Variants in BNC2 observed in about 807,000 individuals in gnomAD.
BNC2 encodes the protein basonuclin zinc finger protein 2.
BNC2 carries 20 observed loss-of-function variants against 76.3 expected under a neutral mutation model. The observed-to-expected ratio is 0.26, with a 90% CI of 0.18 to 0.38. The LOEUF is 0.38. Among genes scored for constraint, BNC2 ranks in the 10% least tolerant of loss-of-function variants. The pLI is 1.00. For missense variants in BNC2, 1,382 were observed against 1,399.8 expected (o/e 0.99, Z 0.20); for synonymous variants, 582 against 514.8 (o/e 1.13, Z -1.77).
At chr9:16,439,350 G>A (rs1289114203) in intron 5 of BNC2, among the ~76,000 whole-genome samples, 1 of 152,174 alleles carries the variant, frequency 6.6e-6, no homozygotes, top group African/African-American at 2.4e-5. Flanking sequence ...TCTTCAAAGT[G>A]TAAAGTTCAG....
chr9:16,434,419 A>C (rs1820961993), intron 6 of BNC2, among the ~76,000 whole-genome samples: 1 of 152,168 alleles, frequency 6.6e-6, no homozygotes, highest in Non-Finnish European at 1.5e-5. Flanking sequence ...CTTTCTAGTT[A>C]ATTTTAATGT....
intron 1 of BNC2, among the ~76,000 whole-genome samples, chr9:16,757,496 T>A (rs1825419136): frequency 6.6e-6 from 1 of 152,114 alleles, no homozygotes; most frequent in South Asian, 2.1e-4. Flanking sequence ...ATGACAGAAA[T>A]CGAAATGTGA....
At chr9:16,824,656 C>T (rs1586913704) in intron 1 of BNC2, among the ~76,000 whole-genome samples, 1 of 152,126 alleles carries the variant, frequency 6.6e-6, no homozygotes, top group East Asian at 1.9e-4. Context: ...TAATGCCATG[C>T]CTGTCATGAC....
At chr9:16,747,004 A>G (rs1825029220) in intron 1 of BNC2, among the ~76,000 whole-genome samples, 1 of 151,970 alleles carries the variant, frequency 6.6e-6, no homozygotes, top group South Asian at 2.1e-4. Flanking sequence ...AAAGAATTAT[A>G]CTTTCCACCT....
intron 4 of BNC2, among the ~76,000 whole-genome samples, chr9:16,558,045 C>T (rs1384022164): frequency 6.6e-6 from 1 of 152,048 alleles, no homozygotes; most frequent in African/African-American, 2.4e-5. Context: ...ATGGGGTTTC[C>T]CCATGTTGTT....
chr9:16,685,530 A>G (rs1202454922), intron 3 of BNC2: 1 of 1,299,920 alleles, frequency 7.7e-7, no homozygotes, highest in South Asian at 1.2e-5. Flanking sequence ...CTGAGAAAAC[A>G]GTTAAGACTC....
At position 16,710,538 on chromosome 9, in the gene BNC2, G is replaced by A. The variant is rs559992609; in HGVS notation, c.330+17259C>T. Among the ~76,000 whole-genome samples, 94 of 152,236 alleles carry A rather than the reference G, an allele frequency of 6.2e-4. 1 individual carries two copies. The South Asian group carries it at 0.018, about 29-fold the overall frequency. ...CCTTTTCATAAAATCTTAGGAGACC[G>A]AACATATATTCTGGGCAGTGTGTTT... is the stretch of plus-strand genomic sequence containing the variant. On this transcript the variant is annotated intron_variant, in intron 3 of 6. Coordinates refer to ENST00000380672, the MANE Select transcript of BNC2 (RefSeq NM_017637.6).
At position 16,551,943 on chromosome 9, in the gene BNC2, C is replaced by T. The variant is rs573527636; in HGVS notation, c.669+587G>A. On this transcript the variant is annotated intron_variant, in intron 5 of 6. Transcript: ENST00000380672. ...GCTGGAAGAACAGGTTCTGCAAAGA[C>T]GAAATCTAAAATCATGTCTGTGTGT... Among the ~76,000 whole-genome samples, 9 of 152,184 alleles carry T rather than the reference C, an allele frequency of 5.9e-5. No individual in the cohort carries two copies. The East Asian group carries it at 1.7e-3, about 29-fold the overall frequency.
chr9:16,494,079 C>T (rs182748167), intron 5 of BNC2, among the ~76,000 whole-genome samples: 1 of 152,238 alleles, frequency 6.6e-6, no homozygotes, highest in Admixed American at 6.5e-5. Flanking sequence ...AAACCCCTAC[C>T]CTGGTGGAGC....
In BNC2 at chr9:16,520,721, G is replaced by A. The variant is rs1265167375; in HGVS notation, c.669+31809C>T. ...AGAGCTCAAGTTCACACAGTAAGGA[G>A]TAACTGTACTTTGTGATTCCAGGTT... On this transcript the variant is annotated intron_variant, in intron 5 of 6. Transcript: ENST00000380672. Among the ~76,000 whole-genome samples the A allele has an allele frequency of 2.0e-4, 30 of 152,190 alleles. 1 individual carries two copies. Among genetic ancestry groups the A allele is most frequent in the Admixed American group, 2.0e-3 (30 of 15,280 alleles).
intron 1 of BNC2, among the ~76,000 whole-genome samples, chr9:16,815,773 TCCTA>T (rs1818167908): frequency 6.6e-6 from 1 of 152,226 alleles, no homozygotes; most frequent in Admixed American, 6.5e-5. Flanking sequence ...AGAACTCTTC[TCCTA>T]CCAAGTAAAT....
intron 3 of BNC2, among the ~76,000 whole-genome samples, chr9:16,637,176 G>A (rs954844776): frequency 2.6e-5 from 4 of 151,282 alleles, no homozygotes; most frequent in Non-Finnish European, 5.9e-5. Flanking sequence ...TTAATTTTGT[G>A]TTCAAAATTA....
intron 3 of BNC2, among the ~76,000 whole-genome samples, chr9:16,668,108 G>A (rs1049245664): frequency 8.5e-5 from 13 of 152,172 alleles, no homozygotes; most frequent in African/African-American, 3.1e-4. Context: ...ATTTAGCGAA[G>A]CTCCCATGGA....
At chr9:16,805,986 G>A (rs1054870125) in intron 1 of BNC2, among the ~76,000 whole-genome samples, 1 of 152,078 alleles carries the variant, frequency 6.6e-6, no homozygotes, top group Non-Finnish European at 1.5e-5. Context: ...CAAATGATTT[G>A]CTTCCCCAAT....
chr9:16,614,958 T>TAAAAAAAAAAA (rs60545823), intron 3 of BNC2, among the ~76,000 whole-genome samples: 2 of 62,524 alleles, frequency 3.2e-5, no homozygotes, highest in African/African-American at 6.6e-5. Context: ...TCTGTCTCTT[T>TAAAAAAAAAAA]AAAAAAAAAA....
intron 1 of BNC2, among the ~76,000 whole-genome samples, chr9:16,845,966 G>A (rs534065574): frequency 1.3e-3 from 193 of 151,776 alleles, no homozygotes; most frequent in Non-Finnish European, 2.3e-3. Context: ...TGGCTAACAC[G>A]GTGAAACCCC....
intron 5 of BNC2, among the ~76,000 whole-genome samples, chr9:16,456,063 T>C (rs1440373901): frequency 1.2e-5 from 1 of 86,372 alleles, no homozygotes. Flanking sequence ...GAGGACTTTG[T>C]TCTTACTCAT....
At chr9:16,709,340 G>T (rs894656767) in intron 3 of BNC2, among the ~76,000 whole-genome samples, 1 of 152,328 alleles carries the variant, frequency 6.6e-6, no homozygotes. Context: ...AACCCACGCT[G>T]CCATCGTCAG....
chr9:16,574,107 C>A (rs997937370), intron 4 of BNC2, among the ~76,000 whole-genome samples: 2 of 152,080 alleles, frequency 1.3e-5, no homozygotes, highest in Admixed American at 1.3e-4. Flanking sequence ...CCTAGTTTAT[C>A]CTGAGTAAAA....
Sources: allele counts gnomAD v4.1 joint callset (sites outside exome capture counted in the v4.1 genomes callset), GRCh38; gene constraint gnomAD v4.1.1; transcripts MANE v1.5; gene names NCBI Gene and HGNC (gene_info 2026-07-23, HGNC 2026-07-21).